Variants in ZNF395 observed in about 807,000 individuals in gnomAD.
ZNF395 encodes the protein HD gene regulatory region-binding protein 2.
In ZNF395, 20 loss-of-function variants were observed where a neutral mutation model predicts 57.7. That is an observed-to-expected ratio of 0.35 (90% confidence interval 0.24 to 0.50). The LOEUF is 0.50. Ranked by LOEUF, ZNF395 falls within the 20% of genes least tolerant of loss-of-function variation. The probability of loss-of-function intolerance (pLI) is 0.97; values close to 1 mark genes in which losing one functional copy is unlikely to be tolerated. For synonymous variants in ZNF395, 295 were observed against 275.9 expected (o/e 1.07, Z -0.69); for missense variants, 606 against 671.2 (o/e 0.90, Z 1.07).
chr8:28,349,996 C>T, intron 8 of ZNF395, 68 bp downstream of exon 8: 2 of 1,417,736 alleles, frequency 1.4e-6, no homozygotes, highest in South Asian at 1.4e-5. Context: ...GGGATGGCCT[C>T]CAGCCCTGGG....
chr8:28,353,101 C>T, intron 5 of ZNF395, 72 bp downstream of exon 5: 1 of 1,502,664 alleles, frequency 6.7e-7, no homozygotes, highest in Non-Finnish European at 9.2e-7. Context: ...CCCCTGCTCT[C>T]CACGGCTGGC....
chr8:28,377,646 G>T (rs1289611559), intron 1 of ZNF395, among the ~76,000 whole-genome samples: 3 of 151,480 alleles, frequency 2.0e-5, no homozygotes, highest in African/African-American at 7.3e-5. Flanking sequence ...GACATTCAAG[G>T]TCACTCCACA....
chr8:28,365,807 T>C (rs1801903314), intron 1 of ZNF395, among the ~76,000 whole-genome samples: 1 of 152,230 alleles, frequency 6.6e-6, no homozygotes, highest in African/African-American at 2.4e-5. Flanking sequence ...CTAATAGCCC[T>C]TAATGAGGAC....
chr8:28,379,858 A>AAAAAAAAAAAAAAAAAT (rs1802088505), intron 1 of ZNF395, among the ~76,000 whole-genome samples: 1 of 151,370 alleles, frequency 6.6e-6, no homozygotes, highest in African/African-American at 2.4e-5. Flanking sequence ...AAAAAAAAAA[A>AAAAAAAAAAAAAAAAAT]GCTGCATGCC....
Position 28,369,435 on chromosome 8 carries a change from T to C in ZNF395, c.-58-8253A>G, listed in dbSNP as rs1801951437. Among the ~76,000 whole-genome samples the C allele has an allele frequency of 2.6e-5, 4 of 152,178 alleles. No homozygotes were observed. The South Asian group carries it at 8.3e-4, about 31-fold the overall frequency. ...TCATAAAAAGGCAACTGCCCTCTCC[T>C]TGCGGTGGGTAATCAAGGCACCCAT... On this transcript the variant is annotated intron_variant, in intron 1 of 9. Transcript: ENST00000344423.
chr8:28,371,578 A>C (rs1275112004), intron 1 of ZNF395, among the ~76,000 whole-genome samples: 1 of 152,190 alleles, frequency 6.6e-6, no homozygotes, highest in Non-Finnish European at 1.5e-5. Flanking sequence ...GTTTTTAAAA[A>C]CTTGAGTCAC....
intron 3 of ZNF395, among the ~76,000 whole-genome samples, chr8:28,358,346 G>A (rs564512171): frequency 5.3e-5 from 8 of 152,058 alleles, no homozygotes; most frequent in South Asian, 4.2e-4. Flanking sequence ...CTGACCTCAC[G>A]TGATCCACCC....
At chr8:28,371,460 T>G (rs888889116) in intron 1 of ZNF395, among the ~76,000 whole-genome samples, 1 of 152,148 alleles carries the variant, frequency 6.6e-6, no homozygotes, top group South Asian at 2.1e-4. Flanking sequence ...GGATTACAGG[T>G]GTGAGCCACC....
intron 1 of ZNF395, among the ~76,000 whole-genome samples, chr8:28,378,301 A>G (rs929403230): frequency 6.6e-6 from 1 of 152,170 alleles, no homozygotes; most frequent in Non-Finnish European, 1.5e-5. Flanking sequence ...ATCACGGCTC[A>G]CTGCTCCTGG....
chr8:28,385,568 C>T (rs1448854830), intron 1 of ZNF395, among the ~76,000 whole-genome samples: 1 of 150,462 alleles, frequency 6.6e-6, no homozygotes, highest in East Asian at 2.0e-4. Flanking sequence ...CCCTCTGTCC[C>T]GCCCGTCCCG....
Position 28,352,742 on chromosome 8 carries a change from G to T in ZNF395, c.820-69C>A. Reference sequence around the variant, plus strand: ...TATCCCTCGCTCAACCTTACCCAGTGGGGACTCAAACTGGCTGCTGTCCCC... The same window carrying T: ...TATCCCTCGCTCAACCTTACCCAGTTGGGACTCAAACTGGCTGCTGTCCCC... On this transcript the variant is annotated intron_variant, in intron 5 of 9. Transcript: ENST00000344423. The surrounding 1 kb of genome is among the most constrained non-coding windows in gnomAD (Gnocchi z 4.0). The T allele has an allele frequency of 7.1e-7, 1 of 1,412,800 alleles. No individual in the cohort carries two copies. 87.5% of individuals were successfully genotyped at this position (1,412,800 alleles called of 1,614,324 possible).
Position 28,350,047 on chromosome 8 carries a change from G to C in ZNF395, c.1326+17C>G. On this transcript the variant is annotated intron_variant, in intron 8 of 9. Coordinates refer to ENST00000344423, the MANE Select transcript of ZNF395 (RefSeq NM_018660.3). ...CTCGGCCATACGAGGCCCCAGCCGT[G>C]CTGCCCGCACACTCACCGGAGAGAG... 1 of 1,573,484 alleles carries C rather than the reference G, an allele frequency of 6.4e-7. No homozygotes were observed. The highest frequency in any genetic ancestry group is 1.7e-4 in the Middle Eastern group (1 of 5,950).
At chr8:28,365,627 G>C (rs78195964) in intron 1 of ZNF395, 1 of 152,040 alleles carries the variant, frequency 6.6e-6, no homozygotes, top group Non-Finnish European at 1.5e-5. Context: ...AAACAAACTC[G>C]TGCTGAAGGC....
chr8:28,367,755 C>G (rs1044606144), intron 1 of ZNF395, among the ~76,000 whole-genome samples: 1 of 152,158 alleles, frequency 6.6e-6, no homozygotes, highest in Non-Finnish European at 1.5e-5. Flanking sequence ...CTACTGGCAC[C>G]GATGGGACTG....
At chr8:28,362,041 A>C (rs1482146319) in intron 1 of ZNF395, among the ~76,000 whole-genome samples, 6 of 151,884 alleles carry the variant, frequency 4.0e-5, no homozygotes, top group African/African-American at 1.5e-4. Context: ...GCAGTGAGCC[A>C]AAATCACACC....
At chr8:28,354,715 C>G (rs1801758167) in intron 4 of ZNF395, among the ~76,000 whole-genome samples, 1 of 152,132 alleles carries the variant, frequency 6.6e-6, no homozygotes, top group South Asian at 2.1e-4. Context: ...CAAGAGATTA[C>G]TACATGTACA....
At chr8:28,371,940 T>G (rs575171205) in intron 1 of ZNF395, among the ~76,000 whole-genome samples, 2 of 152,102 alleles carry the variant, frequency 1.3e-5, no homozygotes, top group African/African-American at 4.8e-5. Flanking sequence ...TCCCAGCTAC[T>G]GGGGAGGCTG....
At chr8:28,368,165 C>G (rs1313039730) in intron 1 of ZNF395, among the ~76,000 whole-genome samples, 1 of 152,130 alleles carries the variant, frequency 6.6e-6, no homozygotes, top group Non-Finnish European at 1.5e-5. Context: ...TGGCATTTTA[C>G]CCAGAGCCAG....
At chr8:28,380,798 C>T (rs1802099375) in intron 1 of ZNF395, among the ~76,000 whole-genome samples, 1 of 152,338 alleles carries the variant, frequency 6.6e-6, no homozygotes, top group Admixed American at 6.5e-5. Context: ...CATCCGATAG[C>T]CACACATTGT....
Sources: allele counts gnomAD v4.1 joint callset (sites outside exome capture counted in the v4.1 genomes callset), GRCh38; gene constraint gnomAD v4.1.1; non-coding constraint Gnocchi (gnomAD v3.1); transcripts MANE v1.5; gene names NCBI Gene and HGNC (gene_info 2026-07-23, HGNC 2026-07-21).